PLCE1: variants seen among roughly 807,000 people sequenced by gnomAD.
The protein encoded by PLCE1 is phospholipase C epsilon 1.
A neutral mutation model predicts 242.8 loss-of-function variants in PLCE1; 119 were observed. That is an observed-to-expected ratio of 0.49 (90% CI 0.42 to 0.57). The LOEUF (loss-of-function observed/expected upper bound fraction) is 0.57. Ranked by LOEUF, PLCE1 falls within the 20% of genes least tolerant of loss-of-function variation. The pLI, the probability that PLCE1 is intolerant of heterozygous loss-of-function variation, is 0.00. For missense variants in PLCE1, 2,441 were observed against 2,788.8 expected (o/e 0.88, Z 2.81); for synonymous variants, 945 against 1,017.4 (o/e 0.93, Z 1.35).
chr10:94,255,168 T>G (rs914947504), intron 11 of PLCE1, 119 bp downstream of exon 11: 1 of 1,279,962 alleles, frequency 7.8e-7, no homozygotes, highest in African/African-American at 1.5e-5. Flanking sequence ...ATAGTTGAAC[T>G]GAAAACTGAA....
chr10:94,289,958 T>C (rs2052590167), intron 22 of PLCE1, among the ~76,000 whole-genome samples: 1 of 152,186 alleles, frequency 6.6e-6, no homozygotes, highest in Non-Finnish European at 1.5e-5. Flanking sequence ...TTGACTCTTT[T>C]GTAATAACAC....
At chr10:94,087,264 C>G (rs1391417897) in intron 2 of PLCE1, among the ~76,000 whole-genome samples, 1 of 146,736 alleles carries the variant, frequency 6.8e-6, no homozygotes, top group Non-Finnish European at 1.5e-5. Flanking sequence ...GTGGGAAAAT[C>G]ACTTGAGCCT....
At chr10:94,150,710 A>G (rs950827414) in intron 3 of PLCE1, among the ~76,000 whole-genome samples, 1 of 152,128 alleles carries the variant, frequency 6.6e-6, no homozygotes, top group Middle Eastern at 3.2e-3. Context: ...GATTAATTAG[A>G]GGGTTAAGCA....
In PLCE1 at chr10:94,214,164, T is replaced by C. The variant is rs147520717; in HGVS notation, c.1810-13142T>C. Among the ~76,000 whole-genome samples the C allele has an allele frequency of 2.8e-3, 430 of 152,348 alleles. 5 individuals carry two copies. Among genetic ancestry groups the C allele is most frequent in the African/African-American group, 9.6e-3 (398 of 41,588 alleles). ...CTTGACAACATCTTGTTTTGAGTTA[T>C]GCATAAAACATTGCAGCCAACTCCA... On this transcript the variant is annotated intron_variant, in intron 4 of 32. Transcript: ENST00000371380.
intron 4 of PLCE1, among the ~76,000 whole-genome samples, chr10:94,188,483 G>A (rs1402102003): frequency 6.6e-6 from 1 of 152,158 alleles, no homozygotes; most frequent in African/African-American, 2.4e-5. Context: ...TCTCTGTGTG[G>A]CTCTTGGACT....
Position 94,222,161 on chromosome 10 carries a change from G to A in PLCE1, c.1810-5145G>A, listed in dbSNP as rs564608796. ...AGACAGAACAGGCCCATGTGAAAGA[G>A]TCAGGCACACAAATATAACAAAAAT... On this transcript the variant is annotated intron_variant, in intron 4 of 32. Transcript: ENST00000371380. Among the ~76,000 whole-genome samples, 13 of 152,284 alleles carry A rather than the reference G, an allele frequency of 8.5e-5. No homozygotes were observed. The South Asian group carries it at 1.5e-3, about 17-fold the overall frequency.
intron 2 of PLCE1, among the ~76,000 whole-genome samples, chr10:94,068,803 C>T (rs1057213427): frequency 2.6e-5 from 4 of 152,172 alleles, no homozygotes; most frequent in African/African-American, 7.2e-5. Context: ...GATGTAGAGC[C>T]AGGCAGTCTG....
chr10:94,098,824 A>G (rs2045411499), intron 2 of PLCE1, among the ~76,000 whole-genome samples: 1 of 152,226 alleles, frequency 6.6e-6, no homozygotes, highest in African/African-American at 2.4e-5. Context: ...GCAATGACCT[A>G]TCTTGTATTC....
At chr10:94,053,236 T>C (rs1415926199) in intron 2 of PLCE1, among the ~76,000 whole-genome samples, 1 of 152,172 alleles carries the variant, frequency 6.6e-6, no homozygotes, top group Non-Finnish European at 1.5e-5. Context: ...ATAATGAGAA[T>C]CATGAAAATA....
intron 14 of PLCE1, among the ~76,000 whole-genome samples, chr10:94,263,960 C>T (rs2051409476): frequency 6.6e-6 from 1 of 152,066 alleles, no homozygotes; most frequent in Non-Finnish European, 1.5e-5. Context: ...TTTTCAACCT[C>T]ATTAGTCATT....
chr10:94,053,233 G>A (rs2043811413), intron 2 of PLCE1, among the ~76,000 whole-genome samples: 1 of 152,130 alleles, frequency 6.6e-6, no homozygotes, highest in Non-Finnish European at 1.5e-5. Context: ...TCTATAATGA[G>A]AATCATGAAA....
At chr10:94,276,077 G>C (rs551113726) in intron 19 of PLCE1, among the ~76,000 whole-genome samples, 2 of 152,118 alleles carry the variant, frequency 1.3e-5, no homozygotes, top group East Asian at 3.9e-4. Flanking sequence ...CTGTCATCTG[G>C]TACATTTATT....
At chr10:94,075,867 A>G (rs2044483675) in intron 2 of PLCE1, among the ~76,000 whole-genome samples, 1 of 152,232 alleles carries the variant, frequency 6.6e-6, no homozygotes, top group South Asian at 2.1e-4. Context: ...GGTGGAAGTC[A>G]GTGGAATTAT....
chr10:94,182,032 A>T (rs1009131010), intron 4 of PLCE1, among the ~76,000 whole-genome samples: 3 of 125,616 alleles, frequency 2.4e-5, no homozygotes, highest in Non-Finnish European at 4.7e-5. Context: ...GCAGTACTCA[A>T]AGAGAACAAA....
Position 94,245,984 on chromosome 10 carries a change from T to C in PLCE1, c.2459T>C (p.Ile820Thr). ...GATTTGTTGGATTCAGACAATGACA[T>C]CTTTGAGCAATCCAAAGAATACGAC... ...IGDLLDSDND[I>T]FEQSKEYDSH... is the part of the protein sequence containing the mutation. The change falls in exon 8 of 33, where the codon ATC becomes ACC. Residue 820 changes from isoleucine (I) to threonine (T), a missense_variant. Transcript: ENST00000371380. 5.0e-6 allele frequency: 8 copies of C among 1,614,132 alleles called. No individual in the cohort carries two copies. The highest frequency in any genetic ancestry group is 6.8e-6 in the Non-Finnish European group (8 of 1,179,988).
chr10:94,162,372 G>A (rs944469836), intron 3 of PLCE1, among the ~76,000 whole-genome samples: 1 of 152,038 alleles, frequency 6.6e-6, no homozygotes, highest in Non-Finnish European at 1.5e-5. Flanking sequence ...ACTTCTTCCT[G>A]GTTTAGTCTT....
At chr10:94,164,238 G>T (rs1266316345) in intron 3 of PLCE1, among the ~76,000 whole-genome samples, 1 of 152,168 alleles carries the variant, frequency 6.6e-6, no homozygotes, top group Non-Finnish European at 1.5e-5. Flanking sequence ...ATAATATCCT[G>T]CAGAGTGTTT....
Position 94,266,031 on chromosome 10 carries a change from A to G in PLCE1, c.4281+73A>G, listed in dbSNP as rs1589442960. 2.8e-6 allele frequency: 4 copies of G among 1,428,358 alleles called. No homozygotes were observed. In the East Asian group the frequency reaches 6.8e-5, roughly 24 times the overall value. 88.5% of individuals were successfully genotyped at this position (1,428,358 alleles called of 1,614,324 possible). On this transcript the variant is annotated intron_variant, in intron 16 of 32. Transcript: ENST00000371380. ...TTATGTAACCCCCAAAGTCAAAAAA[A>G]CCTGACCCCAGACTCCTTTGAAGAG...
intron 2 of PLCE1, among the ~76,000 whole-genome samples, chr10:94,074,237 G>A (rs1038674946): frequency 1.4e-4 from 21 of 148,462 alleles, no homozygotes; most frequent in African/African-American, 5.0e-4. Flanking sequence ...TCTGTAGCCA[G>A]GCTGGAGTGC....
Sources: allele counts gnomAD v4.1 joint callset (sites outside exome capture counted in the v4.1 genomes callset), GRCh38; gene constraint gnomAD v4.1.1; transcripts MANE v1.5; gene names NCBI Gene and HGNC (gene_info 2026-07-23, HGNC 2026-07-21).